USP48: variants seen among roughly 807,000 people sequenced by gnomAD.
USP48 encodes the protein ubiquitin specific peptidase 48.
Under a neutral mutation model 150.7 loss-of-function variants are expected in USP48, and 43 were observed. That is an observed-to-expected ratio of 0.29 (90% CI 0.22 to 0.37). The LOEUF is 0.37. Ranked by LOEUF, USP48 falls within the 10% of genes least tolerant of loss-of-function variation. The pLI is 1.00. For synonymous variants in USP48, 396 were observed against 425.9 expected, an observed-to-expected ratio of 0.93 and a Z score of 0.86; for missense variants, 813 against 1,249.6, an observed-to-expected ratio of 0.65 and a Z score of 5.27.
intron 15 of USP48, among the ~76,000 whole-genome samples, chr1:21,708,552 C>T (rs948964338): frequency 2.0e-5 from 3 of 151,752 alleles, no homozygotes; most frequent in Non-Finnish European, 2.9e-5. Flanking sequence ...ATAGCTCATT[C>T]GAACCCCATA....
intron 22 of USP48, among the ~76,000 whole-genome samples, chr1:21,701,149 G>A (rs1237946484): frequency 2.0e-5 from 3 of 149,548 alleles, no homozygotes; most frequent in Non-Finnish European, 4.4e-5. Context: ...GGCGGATCAC[G>A]AGGTCAGGAG....
At chr1:21,720,630 C>G (rs184472333) in intron 14 of USP48, among the ~76,000 whole-genome samples, 4 of 151,790 alleles carry the variant, frequency 2.6e-5, no homozygotes, top group South Asian at 2.1e-4. Flanking sequence ...TGGGTTCAAT[C>G]GATTCTACTG....
chr1:21,691,620 G>C (rs188287080), intron 23 of USP48, among the ~76,000 whole-genome samples: 1 of 152,314 alleles, frequency 6.6e-6, no homozygotes, highest in Admixed American at 6.5e-5. Context: ...GGGCGAAAGA[G>C]CAAGACACTA....
intron 1 of USP48, among the ~76,000 whole-genome samples, chr1:21,775,754 A>C (rs536419386): frequency 6.6e-6 from 1 of 152,320 alleles, no homozygotes; most frequent in South Asian, 2.1e-4. Flanking sequence ...TTGAAAATTC[A>C]TATCAAGGCT....
intron 12 of USP48, among the ~76,000 whole-genome samples, chr1:21,723,521 A>T (rs1312926986): frequency 1.3e-5 from 2 of 152,014 alleles, no homozygotes; most frequent in Non-Finnish European, 2.9e-5. Flanking sequence ...CTCAAAAAAA[A>T]AAAAAAAGAA....
At chr1:21,691,580 A>G (rs2097600928) in intron 23 of USP48, among the ~76,000 whole-genome samples, 1 of 152,230 alleles carries the variant, frequency 6.6e-6, no homozygotes, top group Non-Finnish European at 1.5e-5. Context: ...AGTTGCAGTA[A>G]GCCGAGATTG....
chr1:21,712,140 A>G (rs536543982), intron 15 of USP48, among the ~76,000 whole-genome samples: 68 of 152,290 alleles, frequency 4.5e-4, no homozygotes, highest in Non-Finnish European at 7.6e-4. Flanking sequence ...AGGCAGATCA[A>G]CTGAGGTCAG....
intron 8 of USP48, among the ~76,000 whole-genome samples, chr1:21,746,554 T>G (rs2097794972): frequency 6.6e-6 from 1 of 152,190 alleles, no homozygotes; most frequent in Non-Finnish European, 1.5e-5. Context: ...TTTGGTAGGA[T>G]GAAGACTACC....
intron 15 of USP48, among the ~76,000 whole-genome samples, chr1:21,708,480 G>GA (rs1165053162): frequency 6.6e-6 from 1 of 151,314 alleles, no homozygotes; most frequent in African/African-American, 2.4e-5. Flanking sequence ...CCTGGGCGAG[G>GA]AGCAAGACTC....
intron 1 of USP48, among the ~76,000 whole-genome samples, chr1:21,775,535 G>A (rs528788366): frequency 4.6e-5 from 7 of 152,300 alleles, no homozygotes; most frequent in South Asian, 4.1e-4. Context: ...GACTACAGGC[G>A]TAAGCCACCG....
chr1:21,729,744 C>T lies in USP48; in HGVS notation c.1260G>A (p.Leu420=). The change falls in exon 10 of 27, where the codon CTG becomes CTA. Residue 420 remains leucine (L), a synonymous_variant. Transcript: ENST00000308271. The stretch of plus-strand genomic sequence containing the variant: ...TAGTGTTGGGCTTTTCTTGAGTTTG[C>T]AGTCTATAAACCAACATATATGCAT... ...SRNAYMLVYR[L]QTQEKPNTTV... 1 of 1,614,006 alleles carries T rather than the reference C, an allele frequency of 6.2e-7. No homozygotes were observed. Among genetic ancestry groups the T allele is most frequent in the Non-Finnish European group, 8.5e-7 (1 of 1,179,930 alleles).
intron 8 of USP48, among the ~76,000 whole-genome samples, chr1:21,737,703 GT>G (rs910168266): frequency 1.3e-5 from 2 of 151,888 alleles, no homozygotes; most frequent in South Asian, 2.1e-4. Context: ...GAAACCTACA[GT>G]TTTTTTCCAA....
At chr1:21,689,207 C>A (rs1421597564) in intron 24 of USP48, among the ~76,000 whole-genome samples, 6 of 145,692 alleles carry the variant, frequency 4.1e-5, no homozygotes, top group East Asian at 2.0e-4. Flanking sequence ...TATCTTCTAC[C>A]CATTTTTTGC....
intron 1 of USP48, among the ~76,000 whole-genome samples, chr1:21,758,205 C>CACAT (rs933415147): frequency 6.6e-6 from 1 of 151,576 alleles, no homozygotes; most frequent in African/African-American, 2.4e-5. Flanking sequence ...CACACACACA[C>CACAT]ACACACACAC....
chr1:21,710,140 T>C (rs1422448917), intron 15 of USP48, among the ~76,000 whole-genome samples: 1 of 152,162 alleles, frequency 6.6e-6, no homozygotes, highest in Non-Finnish European at 1.5e-5. Flanking sequence ...CAATGAAACA[T>C]GTTATTTCTT....
chr1:21,698,714 G>A (rs765148751), intron 22 of USP48, among the ~76,000 whole-genome samples: 11 of 152,200 alleles, frequency 7.2e-5, no homozygotes, highest in Middle Eastern at 3.4e-3. Context: ...ATATCACGGT[G>A]AAACCCCGTC....
chr1:21,760,060 T>C (rs1218031168), intron 1 of USP48, among the ~76,000 whole-genome samples: 3 of 152,204 alleles, frequency 2.0e-5, no homozygotes, highest in Non-Finnish European at 4.4e-5. Flanking sequence ...TCTGGTATAA[T>C]GCACAACACA....
intron 9 of USP48, among the ~76,000 whole-genome samples, chr1:21,736,229 A>G (rs1041982962): frequency 6.6e-6 from 1 of 152,138 alleles, no homozygotes; most frequent in Non-Finnish European, 1.5e-5. Context: ...CCATGACTGT[A>G]CCACTGCATT....
intron 10 of USP48, 35 bp downstream of exon 10, chr1:21,729,669 C>A: frequency 6.2e-7 from 1 of 1,604,582 alleles, no homozygotes; most frequent in Non-Finnish European, 8.5e-7. Context: ...CATTCTAAAA[C>A]ATTTGCCTGC....
Sources: gnomAD v4.1 joint callset for allele counts (sites outside exome capture counted in the v4.1 genomes callset) on GRCh38, gnomAD v4.1.1 for gene constraint, MANE v1.5 for transcripts, NCBI Gene and HGNC (gene_info 2026-07-23, HGNC 2026-07-21) for gene names.